The following ZMAT5 variants were observed in gnomAD, a reference collection of about 807,000 sequenced individuals.
ZMAT5 encodes zinc finger matrin-type 5, also known as zinc finger matrin-type protein 5.
ZMAT5 carries 23 observed loss-of-function variants against 28.0 expected under a neutral mutation model. That is an observed-to-expected ratio of 0.82 (90% confidence interval 0.59 to 1.16). The LOEUF is 1.16. ZMAT5 is among the 50% of genes most tolerant of loss of function. ZMAT5 has a pLI of 0.00. For synonymous variants in ZMAT5, 76 were observed against 84.1 expected (o/e 0.90, Z 0.52); for missense variants, 173 against 212.7 (o/e 0.81, Z 1.16).
chr22:29,738,080 G>A (rs1416006571), intron 5 of ZMAT5, among the ~76,000 whole-genome samples: 2 of 152,048 alleles, frequency 1.3e-5, no homozygotes, highest in Non-Finnish European at 2.9e-5. Context: ...CAGCTCTGCC[G>A]CCTGCCTCCC....
chr22:29,742,554 G>A, intron 2 of ZMAT5, 74 bp from the exon 3 acceptor site: 3 of 1,395,952 alleles, frequency 2.1e-6, no homozygotes, highest in Non-Finnish European at 3.0e-6. Context: ...GAAGCCACAG[G>A]GGCATATGGA....
intron 1 of ZMAT5, among the ~76,000 whole-genome samples, chr22:29,755,398 AAAAG>A (rs1282379355): frequency 1.3e-5 from 2 of 151,300 alleles, no homozygotes; most frequent in Non-Finnish European, 2.9e-5. Flanking sequence ...AAAGAAAAAG[AAAAG>A]AAAGAAAAGA....
intron 2 of ZMAT5, among the ~76,000 whole-genome samples, chr22:29,744,108 G>A (rs1047722925): frequency 1.3e-5 from 2 of 152,234 alleles, no homozygotes; most frequent in Non-Finnish European, 2.9e-5. Context: ...GTGCTTTGCA[G>A]AGGAGGCCCG....
Position 29,762,367 on chromosome 22 carries a change from C to A in ZMAT5, c.-28+4505G>T, listed in dbSNP as rs559810226. 2.0e-5 allele frequency among the ~76,000 whole-genome samples: 3 copies of A among 152,342 alleles called. No homozygotes were observed. The South Asian group carries it at 6.2e-4, about 32-fold the overall frequency. The stretch of plus-strand genomic sequence containing the variant: ...CCAACCCCCAGGCCCCGGAACGGTA[C>A]GGGTCCATGGCCTGTCAGGAGCTGG... On this transcript the variant is annotated intron_variant, in intron 1 of 5. Coordinates refer to ENST00000344318, the MANE Select transcript of ZMAT5 (RefSeq NM_001003692.2).
chr22:29,760,375 CAAA>C (rs131280), intron 1 of ZMAT5, among the ~76,000 whole-genome samples: 3 of 98,458 alleles, frequency 3.0e-5, no homozygotes, highest in Non-Finnish European at 2.0e-5. Context: ...TCCTCTGTCT[CAAA>C]AAAAAAAAAA....
intron 1 of ZMAT5, among the ~76,000 whole-genome samples, chr22:29,765,090 A>G (rs2068193936): frequency 6.6e-6 from 1 of 152,176 alleles, no homozygotes; most frequent in Non-Finnish European, 1.5e-5. Context: ...ACAGAACTTA[A>G]GATCATTCTG....
chr22:29,735,006 G>A (rs2067891065), intron 5 of ZMAT5, among the ~76,000 whole-genome samples: 1 of 152,142 alleles, frequency 6.6e-6, no homozygotes, highest in Admixed American at 6.5e-5. Flanking sequence ...CAGGGTGGAG[G>A]AAGAACATTG....
chr22:29,742,307 TG>T, intron 3 of ZMAT5, 110 bp downstream of exon 3: 1 of 1,072,440 alleles, frequency 9.3e-7, no homozygotes, highest in Non-Finnish European at 1.4e-6. Context: ...TGCTGCAAAG[TG>T]GGCTTGGGAT....
At chr22:29,740,134 G>T (rs2067947918) in intron 4 of ZMAT5, among the ~76,000 whole-genome samples, 1 of 152,202 alleles carries the variant, frequency 6.6e-6, no homozygotes, top group Non-Finnish European at 1.5e-5. Context: ...GAACTTCCTT[G>T]TTCTCTAACT....
At chr22:29,763,597 G>A (rs1367267335) in intron 1 of ZMAT5, among the ~76,000 whole-genome samples, 6 of 148,810 alleles carry the variant, frequency 4.0e-5, no homozygotes, top group Admixed American at 3.3e-4. Flanking sequence ...ACGAGACTCC[G>A]TCTCAAACAA....
At chr22:29,738,580 G>A in intron 4 of ZMAT5, 139 bp from the exon 5 acceptor site, 3 of 676,230 alleles carry the variant, frequency 4.4e-6, no homozygotes, top group Admixed American at 2.6e-5. Context: ...GGATGCACCT[G>A]GACTGCTTCT....
intron 1 of ZMAT5, among the ~76,000 whole-genome samples, chr22:29,748,952 C>T (rs112380936): frequency 0.045 from 6,855 of 152,278 alleles, 534 homozygotes; most frequent in African/African-American, 0.16. Flanking sequence ...GCTGGGATTA[C>T]AGGCATGAGC....
chr22:29,753,195 T>C (rs1601726419), intron 1 of ZMAT5, among the ~76,000 whole-genome samples: 2 of 152,220 alleles, frequency 1.3e-5, no homozygotes, highest in African/African-American at 4.8e-5. Context: ...GATACTGGCA[T>C]TTCTGGCCTT....
At chr22:29,763,414 C>T (rs1322213091) in intron 1 of ZMAT5, among the ~76,000 whole-genome samples, 1 of 151,780 alleles carries the variant, frequency 6.6e-6, no homozygotes, top group African/African-American at 2.4e-5. Context: ...CCAGCCTGAC[C>T]AACATGGTGA....
intron 1 of ZMAT5, among the ~76,000 whole-genome samples, chr22:29,757,930 T>G (rs937364955): frequency 3.9e-5 from 6 of 151,978 alleles, no homozygotes; most frequent in African/African-American, 1.5e-4. Context: ...GGCAGGAGAA[T>G]TGTTTGAACC....
At chr22:29,762,887 G>T (rs1305713180) in intron 1 of ZMAT5, among the ~76,000 whole-genome samples, 1 of 152,122 alleles carries the variant, frequency 6.6e-6, no homozygotes, top group African/African-American at 2.4e-5. Flanking sequence ...TTTTTTAAAT[G>T]ATTACCTCCG....
intron 1 of ZMAT5, among the ~76,000 whole-genome samples, chr22:29,749,323 T>C (rs1004129676): frequency 6.6e-6 from 1 of 152,058 alleles, no homozygotes; most frequent in Non-Finnish European, 1.5e-5. Flanking sequence ...TCCTCCCGCC[T>C]TGGCCCCCCA....
chr22:29,758,635 AAACTT>A (rs1258461294), intron 1 of ZMAT5: 3 of 152,122 alleles, frequency 2.0e-5, no homozygotes, highest in African/African-American at 7.2e-5. Context: ...AAAGAAAAGA[AAACTT>A]AATAGGATTA....
chr22:29,744,653 G>C (rs1231424691), intron 2 of ZMAT5, among the ~76,000 whole-genome samples: 1 of 152,214 alleles, frequency 6.6e-6, no homozygotes, highest in Non-Finnish European at 1.5e-5. Flanking sequence ...GGCTGTGCCA[G>C]GTGGCTTGGG....
Sources: allele counts gnomAD v4.1 joint callset (sites outside exome capture counted in the v4.1 genomes callset), GRCh38; gene constraint gnomAD v4.1.1; transcripts MANE v1.5; gene names NCBI Gene and HGNC (gene_info 2026-07-23, HGNC 2026-07-21).